NBPF11: variants seen among roughly 807,000 people sequenced by gnomAD.
The protein encoded by NBPF11 is NBPF family member NBPF11.
Under a neutral mutation model 93.9 loss-of-function variants are expected in NBPF11, and 72 were observed. The observed-to-expected ratio is 0.77, with a 90% CI of 0.63 to 0.93. The LOEUF (loss-of-function observed/expected upper bound fraction) is 0.93. NBPF11 is among the 40% of genes least tolerant of loss of function. The pLI is 0.00. For synonymous variants in NBPF11, 224 were observed against 304.9 expected, an observed-to-expected ratio of 0.73 and a Z score of 2.76; for missense variants, 705 against 802.2, an observed-to-expected ratio of 0.88 and a Z score of 1.46.
At chr1:148,112,151 T>C (rs1360943010) in intron 15 of NBPF11, among the ~76,000 whole-genome samples, 1 of 143,076 alleles carries the variant, frequency 7.0e-6, no homozygotes, top group Admixed American at 7.0e-5. Flanking sequence ...TTTGTGTGTA[T>C]GTATATATAT....
intron 11 of NBPF11, 138 bp from the exon 12 acceptor site, chr1:148,117,924 TG>T (rs1666951823): frequency 1.7e-6 from 1 of 600,626 alleles, no homozygotes; most frequent in African/African-American, 1.9e-5. Flanking sequence ...AAGGAATGTC[TG>T]TGGCCAAGAG....
chr1:148,122,252 G>A lies in NBPF11; in HGVS notation c.581C>T (p.Ala194Val), dbSNP rs1668043162. ...GTCCTCAGGGACTTTGCTCTCTTCA[G>A]CCTTCTGCACCTCCCTGATGAGCCA... ...ESSAPREVQK[A>V]EESKVPEDSL... The change falls in exon 9 of 24, where the codon GCT becomes GTT. Residue 194 changes from alanine to valine, a missense_variant. Physicochemically the swap from Ala to Val is moderately conservative, Grantham distance 64 (BLOSUM62 0). Around this residue, in one of 12 missense-constraint regions of NBPF11, gnomAD observed 262 missense variants for 223.1 expected, o/e 1.17. Transcript: ENST00000682118. 4.3e-6 allele frequency: 7 copies of A among 1,611,362 alleles called. No individual in the cohort carries two copies. The highest frequency in any genetic ancestry group is 5.9e-6 in the Non-Finnish European group (7 of 1,179,322).
intron 1 of NBPF11, among the ~76,000 whole-genome samples, chr1:148,148,005 C>A (rs1307416536): frequency 1.3e-5 from 2 of 152,066 alleles, no homozygotes; most frequent in African/African-American, 4.8e-5. Flanking sequence ...GGGATGTGTC[C>A]CGTTCGTTTG....
At position 148,108,543 on chromosome 1, in the gene NBPF11, G is replaced by C. The variant is rs1164740559; in HGVS notation, c.1965C>G (p.Pro655=). The stretch of plus-strand genomic sequence containing the variant: ...CCAATACGTAAAAGGCACTTCTGTA[G>C]GGCTGGCATGAGTCAGTCAGTCCAA... ...VYLGLTDSCQ[P]YRSAFYVLEQ... The change falls in exon 18 of 24, where the codon CCC becomes CCG. Residue 655 remains proline (P), a synonymous_variant. Coordinates refer to ENST00000682118, the MANE Select transcript of NBPF11 (RefSeq NM_001385469.3). The C allele has an allele frequency of 3.1e-6, 5 of 1,603,270 alleles. No individual in the cohort carries two copies. In the Admixed American group the frequency reaches 8.3e-5, roughly 27 times the overall value.
intron 4 of NBPF11, among the ~76,000 whole-genome samples, chr1:148,132,692 T>C (rs1456138182): frequency 1.4e-5 from 2 of 143,978 alleles, no homozygotes; most frequent in African/African-American, 5.2e-5. Context: ...GTTTTTGGTG[T>C]ACTGGCCTTA....
rs1395474815 is a variant in NBPF11 at position 148,125,106 on chromosome 1, C to A, written c.176-105G>T. 1.6e-3 allele frequency: 1,284 copies of A among 792,976 alleles called. 20 individuals carry two copies. Among genetic ancestry groups the A allele is most frequent in the African/African-American group, 0.013 (755 of 58,802 alleles). 49.1% of individuals were successfully genotyped at this position (792,976 alleles called of 1,614,324 possible). Reference sequence around the variant, plus strand: ...GTCCATCCCAAGGACAAAACTCTCCCCAGTACCAGGGTCTAGACAGGGATT... The same window carrying A: ...GTCCATCCCAAGGACAAAACTCTCCACAGTACCAGGGTCTAGACAGGGATT... On this transcript the variant is annotated intron_variant, in intron 5 of 23. Transcript: ENST00000682118.
Position 148,135,576 on chromosome 1 carries a change from T to C in NBPF11, c.-36+96A>G, listed in dbSNP as rs1375303780. The C allele has an allele frequency of 8.6e-5, 42 of 485,972 alleles. 1 individual carries two copies. Among genetic ancestry groups the C allele is most frequent in the African/African-American group, 8.5e-4 (40 of 47,170 alleles). The allele number at this position is 485,972 out of a possible 1,614,324, so 30.1% of individuals were successfully genotyped here. The stretch of plus-strand genomic sequence containing the variant: ...TATGAAGAAAACTCAGCTAAGCATA[T>C]GGGCTAGATTAGAGAGAAAAATAAA... On this transcript the variant is annotated intron_variant, in intron 4 of 23. Transcript: ENST00000682118.
intron 23 of NBPF11, 94 bp from the exon 24 acceptor site, chr1:148,104,006 G>A: frequency 6.2e-7 from 1 of 1,607,208 alleles, no homozygotes; most frequent in South Asian, 1.1e-5. Context: ...GAAGTGGTTG[G>A]AAAAGAAAAA....
At chr1:148,106,786 G>A (rs1196036872) in intron 20 of NBPF11, among the ~76,000 whole-genome samples, 156 bp downstream of exon 20, 26 of 147,892 alleles carry the variant, frequency 1.8e-4, no homozygotes, top group East Asian at 6.1e-4. Context: ...TAGGCTTCCA[G>A]CTGAGACTAC....
intron 12 of NBPF11, among the ~76,000 whole-genome samples, chr1:148,117,333 T>A (rs1481758231): frequency 6.7e-6 from 1 of 150,084 alleles, no homozygotes; most frequent in Non-Finnish European, 1.5e-5. Flanking sequence ...AGACAGATGC[T>A]GCCTCTTACT....
At chr1:148,114,149 C>A (rs1665924383) in intron 15 of NBPF11, among the ~76,000 whole-genome samples, 1 of 142,490 alleles carries the variant, frequency 7.0e-6, no homozygotes, top group Non-Finnish European at 1.5e-5. Flanking sequence ...ACACAAAAAA[C>A]CCTTCAAAAA....
At chr1:148,108,766 T>C (rs1326474667) in intron 17 of NBPF11, 112 bp from the exon 18 acceptor site, 6 of 743,864 alleles carry the variant, frequency 8.1e-6, no homozygotes, top group African/African-American at 1.8e-5. Context: ...AAAGGACAGA[T>C]CCATTAATGA....
intron 4 of NBPF11, 194 bp from the exon 5 acceptor site, chr1:148,127,232 A>G: frequency 4.0e-6 from 1 of 252,552 alleles, no homozygotes; most frequent in Non-Finnish European, 6.8e-6. Flanking sequence ...AGCTGAAAGC[A>G]CTGCTCAGAC....
intron 2 of NBPF11, among the ~76,000 whole-genome samples, chr1:148,138,898 C>A (rs1220957698): frequency 6.6e-6 from 1 of 151,588 alleles, no homozygotes; most frequent in African/African-American, 2.4e-5. Flanking sequence ...AGAGACCAAC[C>A]TGGCCAACAT....
At chr1:148,109,192 A>G (rs1397275698) in intron 17 of NBPF11, 92 bp downstream of exon 17, 15 of 1,003,932 alleles carry the variant, frequency 1.5e-5, no homozygotes, top group Non-Finnish European at 2.0e-5. Flanking sequence ...TGACAAGACA[A>G]AATCATGATT....
At chr1:148,108,779 T>C (rs1455174720) in intron 17 of NBPF11, 125 bp from the exon 18 acceptor site, 20 of 713,586 alleles carry the variant, frequency 2.8e-5, no homozygotes, top group Non-Finnish European at 4.6e-5. Context: ...ATTAATGAGG[T>C]AACAAATTAT....
intron 18 of NBPF11, among the ~76,000 whole-genome samples, chr1:148,108,029 T>A (rs1341057584): frequency 1.3e-5 from 2 of 150,704 alleles, no homozygotes; most frequent in African/African-American, 4.9e-5. Context: ...TTATGCCATA[T>A]TTTTCCAATC....
chr1:148,113,367 C>G (rs1410579314), intron 15 of NBPF11, among the ~76,000 whole-genome samples: 2 of 151,756 alleles, frequency 1.3e-5, no homozygotes, highest in African/African-American at 4.9e-5. Context: ...TCAAAAGAGA[C>G]AAAGAAGGCC....
intron 1 of NBPF11, chr1:148,149,595 A>T: frequency 1.9e-6 from 3 of 1,588,568 alleles, no homozygotes. Flanking sequence ...GGACCTCAGC[A>T]ATAAGGCGGC....
Sources: allele counts gnomAD v4.1 joint callset (sites outside exome capture counted in the v4.1 genomes callset), GRCh38; gene constraint gnomAD v4.1.1; regional missense constraint gnomAD v4.1.1; transcripts MANE v1.5; gene names NCBI Gene and HGNC (gene_info 2026-07-23, HGNC 2026-07-21).